Variants in CUEDC1 observed in about 807,000 individuals in gnomAD.
The protein encoded by CUEDC1 is CUE domain containing 1.
CUEDC1 carries 30 observed loss-of-function variants against 43.7 expected under a neutral mutation model. The ratio of observed to expected loss-of-function variants is 0.69; its 90% CI spans 0.51 to 0.93. CUEDC1 has a LOEUF of 0.93. Among genes scored for constraint, CUEDC1 ranks in the 40% least tolerant of loss-of-function variants. CUEDC1 has a pLI of 0.00. For synonymous variants in CUEDC1, 223 were observed against 223.6 expected (o/e 1.00, Z 0.02); for missense variants, 486 against 549.0 (o/e 0.89, Z 1.15).
intron 2 of CUEDC1, among the ~76,000 whole-genome samples, chr17:57,883,131 A>G (rs1289559497): frequency 6.6e-6 from 1 of 152,162 alleles, no homozygotes; most frequent in Non-Finnish European, 1.5e-5. Context: ...TACTCCAAGC[A>G]GATCAAAGGA....
intron 1 of CUEDC1, among the ~76,000 whole-genome samples, chr17:57,925,850 C>A (rs1423634473): frequency 2.0e-5 from 3 of 152,208 alleles, no homozygotes; most frequent in Admixed American, 6.5e-5. Flanking sequence ...CTTACCCAGG[C>A]CTGGTACTGC....
intron 1 of CUEDC1, among the ~76,000 whole-genome samples, chr17:57,909,187 C>T (rs777550555): frequency 4.0e-5 from 6 of 151,868 alleles, no homozygotes; most frequent in Admixed American, 6.6e-5. Context: ...CATGGCGAGA[C>T]GGGGTTTCAC....
chr17:57,899,529 C>A (rs897621055), intron 1 of CUEDC1, among the ~76,000 whole-genome samples: 1 of 152,164 alleles, frequency 6.6e-6, no homozygotes, highest in Non-Finnish European at 1.5e-5. Context: ...GAACCCAGAT[C>A]GTGAGACTCC....
intron 1 of CUEDC1, among the ~76,000 whole-genome samples, chr17:57,914,657 T>A (rs2074619450): frequency 6.6e-6 from 1 of 152,126 alleles, no homozygotes. Flanking sequence ...GGCTTTTCTT[T>A]CCCATGTCCA....
At chr17:57,867,895 T>C (rs908316278) in intron 8 of CUEDC1, among the ~76,000 whole-genome samples, 3 of 152,128 alleles carry the variant, frequency 2.0e-5, no homozygotes, top group Admixed American at 1.3e-4. Flanking sequence ...AAAAAGTTAA[T>C]AGGACAACTT....
intron 3 of CUEDC1, among the ~76,000 whole-genome samples, chr17:57,875,662 C>T: frequency 6.6e-6 from 1 of 151,834 alleles, no homozygotes; most frequent in East Asian, 1.9e-4. Context: ...GTTTCAGAGA[C>T]TGTCTTTCAG....
chr17:57,897,668 A>G (rs1225518156), intron 1 of CUEDC1, among the ~76,000 whole-genome samples: 1 of 139,942 alleles, frequency 7.1e-6, no homozygotes, highest in Non-Finnish European at 1.5e-5. Flanking sequence ...AAAAAAAAAA[A>G]AAAAAGTTTT....
At chr17:57,875,726 G>A (rs2074114328) in intron 3 of CUEDC1, among the ~76,000 whole-genome samples, 1 of 152,044 alleles carries the variant, frequency 6.6e-6, no homozygotes, top group African/African-American at 2.4e-5. Flanking sequence ...AAGCTGGGGA[G>A]GATTTCCCAG....
At chr17:57,937,337 G>A (rs1195072064) in intron 1 of CUEDC1, among the ~76,000 whole-genome samples, 2 of 152,050 alleles carry the variant, frequency 1.3e-5, no homozygotes, top group Non-Finnish European at 1.5e-5. Context: ...GAGGCCTGGC[G>A]TGGTGGCTCA....
At chr17:57,900,879 A>G (rs2074464019) in intron 1 of CUEDC1, among the ~76,000 whole-genome samples, 1 of 152,244 alleles carries the variant, frequency 6.6e-6, no homozygotes, top group South Asian at 2.1e-4. Context: ...GAGCTTTTCC[A>G]TCAGTCTAAG....
chr17:57,909,241 C>T (rs75855319), intron 1 of CUEDC1, among the ~76,000 whole-genome samples: 15,678 of 152,048 alleles, frequency 0.1, 896 homozygotes, highest in South Asian at 0.13. Flanking sequence ...TCAATCTGCC[C>T]GCCTCAGCCT....
intron 9 of CUEDC1, chr17:57,867,045 C>CA: frequency 2.1e-6 from 1 of 469,962 alleles, no homozygotes; most frequent in East Asian, 3.7e-5. Context: ...GGCCGAGGGT[C>CA]CCCCATGGGG....
chr17:57,948,988 C>T (rs1447386007), intron 1 of CUEDC1, among the ~76,000 whole-genome samples: 2 of 152,172 alleles, frequency 1.3e-5, no homozygotes, highest in African/African-American at 2.4e-5. Context: ...CCACACTGCC[C>T]AGTTCCTGCC....
rs193193355 is a variant in CUEDC1 at position 57,940,794 on chromosome 17, A to T, written c.-316+14431T>A. On this transcript the variant is annotated intron_variant, in intron 1 of 10. Coordinates refer to ENST00000577830, the MANE Select transcript of CUEDC1 (RefSeq NM_001271875.2). ...TATAATCAAGGGCACAGTAGTTTTTAAAAAAATACAATAACTACCCTTAGG... is the reference window on the plus strand; with the variant it reads ...TATAATCAAGGGCACAGTAGTTTTTTAAAAAATACAATAACTACCCTTAGG... Among the ~76,000 whole-genome samples the T allele has an allele frequency of 2.5e-3, 377 of 152,288 alleles. 2 individuals are homozygous for T. Among genetic ancestry groups the T allele is most frequent in the African/African-American group, 8.7e-3 (362 of 41,562 alleles).
chr17:57,881,660 G>A (rs1426253852), intron 2 of CUEDC1, among the ~76,000 whole-genome samples: 1 of 152,200 alleles, frequency 6.6e-6, no homozygotes, highest in Non-Finnish European at 1.5e-5. Flanking sequence ...GGGTGAGCAG[G>A]GGAGGAGAGC....
intron 1 of CUEDC1, among the ~76,000 whole-genome samples, chr17:57,912,814 C>A (rs2074598101): frequency 1.3e-5 from 2 of 152,122 alleles, no homozygotes; most frequent in Admixed American, 1.3e-4. Flanking sequence ...TAGAGGGGTG[C>A]ATCAGAATCT....
Position 57,868,024 on chromosome 17 carries a change from A to G in CUEDC1, c.1034+126T>C, listed in dbSNP as rs2073984688. On this transcript the variant is annotated intron_variant, in intron 8 of 10. Transcript: ENST00000577830. ...AGCTCATGGAGGAGAGGGGAGGAGG[A>G]AGGGAAGGCCACAGAGCCGGGTTCC... The G allele has an allele frequency of 1.5e-5, 11 of 749,768 alleles. No individual in the cohort carries two copies. In the South Asian group the frequency reaches 1.6e-4, roughly 11 times the overall value. The allele number at this position is 749,768 out of a possible 1,614,324, so 46.4% of individuals were successfully genotyped here. A position where few individuals can be genotyped will look rare whatever the true frequency, so the allele number is the denominator to read the frequency against.
At position 57,954,544 on chromosome 17, in the gene CUEDC1, T is replaced by G. The variant is rs2075037574; in HGVS notation, c.-316+681A>C. 6.6e-6 allele frequency among the ~76,000 whole-genome samples: 1 copy of G among 151,522 alleles called. No homozygotes were observed. Among genetic ancestry groups the G allele is most frequent in the African/African-American group, 2.4e-5 (1 of 41,146 alleles). The stretch of plus-strand genomic sequence containing the variant: ...AATAAACGCTGACACCAGCCCCCCT[T>G]GGAGCTCAGAGCCTGGGGCACAGGA... On this transcript the variant is annotated intron_variant, in intron 1 of 10. Transcript: ENST00000577830. The surrounding 1 kb of genome is among the most constrained non-coding windows in gnomAD (Gnocchi z 4.3).
chr17:57,877,079 C>T (rs905335973), intron 3 of CUEDC1, among the ~76,000 whole-genome samples: 2 of 152,184 alleles, frequency 1.3e-5, no homozygotes, highest in Non-Finnish European at 1.5e-5. Flanking sequence ...TGTCTGACTC[C>T]ACAAGTCAAG....
Sources: allele counts gnomAD v4.1 joint callset (sites outside exome capture counted in the v4.1 genomes callset), GRCh38; gene constraint gnomAD v4.1.1; non-coding constraint Gnocchi (gnomAD v3.1); transcripts MANE v1.5; gene names NCBI Gene and HGNC (gene_info 2026-07-23, HGNC 2026-07-21).